KIAA1549: variants seen among roughly 807,000 people sequenced by gnomAD.
The protein encoded by KIAA1549 is UPF0606 protein KIAA1549.
A neutral mutation model predicts 156.4 loss-of-function variants in KIAA1549; 70 were observed. That is an observed-to-expected ratio of 0.45 (90% CI 0.37 to 0.55). The LOEUF (loss-of-function observed/expected upper bound fraction) is 0.55. Ranked by LOEUF, KIAA1549 falls within the 20% of genes least tolerant of loss-of-function variation. The probability of loss-of-function intolerance (pLI) is 0.00; values close to 1 mark genes in which losing one functional copy is unlikely to be tolerated. For missense variants in KIAA1549, 2,428 were observed against 2,540.9 expected (o/e 0.96, Z 0.96); for synonymous variants, 1,103 against 1,066.4 (o/e 1.03, Z -0.67).
At chr7:138,938,504 C>T (rs1279400098) in intron 1 of KIAA1549, among the ~76,000 whole-genome samples, 2 of 152,194 alleles carry the variant, frequency 1.3e-5, no homozygotes, top group Non-Finnish European at 2.9e-5. Context: ...ATAGCATTAA[C>T]TCTCTAAGTG....
chr7:138,958,951 G>C (rs1217641165), intron 1 of KIAA1549, among the ~76,000 whole-genome samples: 4 of 152,078 alleles, frequency 2.6e-5, no homozygotes, highest in African/African-American at 9.7e-5. Context: ...CCAGGCTGGA[G>C]TGCAGTGGCA....
intron 1 of KIAA1549, among the ~76,000 whole-genome samples, chr7:138,961,300 G>C (rs1051795781): frequency 6.6e-6 from 1 of 152,210 alleles, no homozygotes; most frequent in Non-Finnish European, 1.5e-5. Context: ...TTCTTCTTTT[G>C]AAGTCTATGA....
At chr7:138,969,580 AGTTTT>A (rs1318437911) in intron 1 of KIAA1549, among the ~76,000 whole-genome samples, 1 of 151,608 alleles carries the variant, frequency 6.6e-6, no homozygotes, top group African/African-American at 2.4e-5. Context: ...GGGTTATATG[AGTTTT>A]GTTTTTTGTT....
Position 138,869,644 on chromosome 7 carries a change from C to T in KIAA1549, c.4669G>A (p.Asp1557Asn), listed in dbSNP as rs566691710. Residue 1557 changes from aspartate (D) to asparagine (N), a missense_variant, in exon 14 of 20, where the codon GAC (aspartate) becomes AAC (asparagine). Transcript: ENST00000422774. ...TACACCCGGTGTCGCTCCTTAGTGT[C>T]GCCCGAGGACAGGTCGTCTACCACC... ...FPVVDDLSSG[D>N]TKERHRVYRR... 24 of 1,611,312 alleles carry T rather than the reference C, an allele frequency of 1.5e-5. No homozygotes were observed. In the Admixed American group the frequency reaches 2.3e-4, roughly 16 times the overall value.
chr7:138,899,293 T>G lies in KIAA1549; in HGVS notation c.3670-161A>C, dbSNP rs1563068605. 7.4e-6 allele frequency: 5 copies of G among 675,202 alleles called. No individual in the cohort carries two copies. In the Admixed American group the frequency reaches 1.3e-4, roughly 17 times the overall value. The allele number at this position is 675,202 out of a possible 1,614,324, so 41.8% of individuals were successfully genotyped here. A position where few individuals can be genotyped will look rare whatever the true frequency, so the allele number is the denominator to read the frequency against. ...CCCAGAATCACCATGGTGCTCTCTG[T>G]TGATGGGAAGAGGGACAGTGGGGAG... On this transcript the variant is annotated intron_variant, in intron 8 of 19. Coordinates refer to ENST00000422774, the MANE Select transcript of KIAA1549 (RefSeq NM_001164665.2).
intron 1 of KIAA1549, among the ~76,000 whole-genome samples, chr7:138,957,248 T>C (rs1223325403): frequency 6.6e-6 from 1 of 151,420 alleles, no homozygotes; most frequent in Non-Finnish European, 1.5e-5. Context: ...CTGTTGCAAA[T>C]CAAGAAAAAC....
At chr7:138,902,646 A>G (rs962601255) in intron 8 of KIAA1549, among the ~76,000 whole-genome samples, 5 of 152,098 alleles carry the variant, frequency 3.3e-5, no homozygotes, top group Non-Finnish European at 7.4e-5. Flanking sequence ...AAGATTTAGG[A>G]TAATATGAGA....
chr7:138,933,499 A>G (rs1812928376), intron 1 of KIAA1549, among the ~76,000 whole-genome samples: 1 of 152,244 alleles, frequency 6.6e-6, no homozygotes, highest in African/African-American at 2.4e-5. Context: ...CAGAAGTGGA[A>G]GAACTGGTGA....
intron 1 of KIAA1549, among the ~76,000 whole-genome samples, chr7:138,975,152 A>T (rs549696060): frequency 6.6e-6 from 1 of 152,350 alleles, no homozygotes; most frequent in Non-Finnish European, 1.5e-5. Context: ...GGCAGTGATG[A>T]TGCTCAGAGT....
At chr7:138,882,273 T>C (rs567785372) in intron 10 of KIAA1549, among the ~76,000 whole-genome samples, 1 of 152,108 alleles carries the variant, frequency 6.6e-6, no homozygotes, top group Non-Finnish European at 1.5e-5. Flanking sequence ...TGAACAGCTC[T>C]AGGGATCAGG....
intron 1 of KIAA1549, among the ~76,000 whole-genome samples, chr7:138,940,982 G>A (rs1318549602): frequency 2.0e-5 from 3 of 151,904 alleles, no homozygotes; most frequent in Non-Finnish European, 4.4e-5. Flanking sequence ...TCACTCTGAC[G>A]GTAGTTTCTT....
At position 138,906,236 on chromosome 7, in the gene KIAA1549, A is replaced by T. The variant is rs1436539141; in HGVS notation, c.3460+683T>A. On this transcript the variant is annotated intron_variant, in intron 6 of 19. Coordinates refer to ENST00000422774, the MANE Select transcript of KIAA1549 (RefSeq NM_001164665.2). ...ACTCTGTATGATACTAAAATGGAGA[A>T]TCCATGCCATTTGCATGTCATTACA... 3.3e-5 allele frequency among the ~76,000 whole-genome samples: 5 copies of T among 152,232 alleles called. No homozygotes were observed. The East Asian group carries it at 9.6e-4, about 29-fold the overall frequency.
intron 9 of KIAA1549, among the ~76,000 whole-genome samples, chr7:138,897,832 G>A (rs1811724810): frequency 7.3e-6 from 1 of 136,720 alleles, no homozygotes; most frequent in Non-Finnish European, 1.5e-5. Flanking sequence ...GTTTGAGGCT[G>A]CAGTGAGCTA....
At chr7:138,874,910 A>G (rs1480607025) in intron 12 of KIAA1549, among the ~76,000 whole-genome samples, 1 of 151,904 alleles carries the variant, frequency 6.6e-6, no homozygotes, top group Non-Finnish European at 1.5e-5. Context: ...AGAGATGATC[A>G]CCTGTGCCTG....
chr7:138,974,998 C>A (rs1359652271), intron 1 of KIAA1549, among the ~76,000 whole-genome samples: 1 of 151,984 alleles, frequency 6.6e-6, no homozygotes, highest in African/African-American at 2.4e-5. Context: ...CCAGTGCTTC[C>A]CAAACCTCAA....
chr7:138,867,159 C>G (rs184101008), intron 15 of KIAA1549, among the ~76,000 whole-genome samples: 1 of 152,156 alleles, frequency 6.6e-6, no homozygotes, highest in Non-Finnish European at 1.5e-5. Context: ...TAAGCAAATA[C>G]GCTATCTTCT....
At chr7:138,838,864 G>A (rs1809826205) in intron 19 of KIAA1549, among the ~76,000 whole-genome samples, 1 of 152,074 alleles carries the variant, frequency 6.6e-6, no homozygotes. Context: ...GGATGTGACA[G>A]GAAAACCTTA....
At chr7:138,874,486 T>C (rs1241844842) in intron 12 of KIAA1549, among the ~76,000 whole-genome samples, 1 of 152,178 alleles carries the variant, frequency 6.6e-6, no homozygotes, top group Non-Finnish European at 1.5e-5. Context: ...AACATCATCA[T>C]TTAGCCACAA....
intron 7 of KIAA1549, among the ~76,000 whole-genome samples, 178 bp from the exon 8 acceptor site, chr7:138,903,914 A>G (rs1225792286): frequency 6.6e-6 from 1 of 150,578 alleles, no homozygotes; most frequent in African/African-American, 2.4e-5. Flanking sequence ...TAAAATGCCA[A>G]TTCCTAGACA....
Sources: allele counts gnomAD v4.1 joint callset (sites outside exome capture counted in the v4.1 genomes callset), GRCh38; gene constraint gnomAD v4.1.1; transcripts MANE v1.5; gene names NCBI Gene and HGNC (gene_info 2026-07-23, HGNC 2026-07-21).